The following PTPN12 variants were observed in gnomAD, a reference collection of about 807,000 sequenced individuals.
PTPN12 encodes the protein tyrosine-protein phosphatase non-receptor type 12.
A neutral mutation model predicts 97.6 loss-of-function variants in PTPN12; 29 were observed. The ratio of observed to expected loss-of-function variants is 0.30; its 90% CI spans 0.22 to 0.41. The LOEUF (loss-of-function observed/expected upper bound fraction) is 0.41. Among genes scored for constraint, PTPN12 ranks in the 10% least tolerant of loss-of-function variants. PTPN12 has a pLI of 1.00. For synonymous variants in PTPN12, 327 were observed against 300.4 expected (o/e 1.09, Z -0.91); for missense variants, 819 against 926.0 (o/e 0.88, Z 1.50).
intron 6 of PTPN12, among the ~76,000 whole-genome samples, chr7:77,593,344 GTGTGTGCATGCGTC>G (rs1199185451): frequency 6.6e-6 from 1 of 152,104 alleles, no homozygotes; most frequent in Non-Finnish European, 1.5e-5. Context: ...GAATAAGAGT[GTGTGTGCATGCGTC>G]TGTGTGCATG....
intron 1 of PTPN12, among the ~76,000 whole-genome samples, chr7:77,559,803 G>T (rs763058464): frequency 1.1e-4 from 16 of 152,226 alleles, no homozygotes; most frequent in Non-Finnish European, 1.8e-4. Context: ...TGTTGAATGT[G>T]TATTTGGAAG....
intron 2 of PTPN12, among the ~76,000 whole-genome samples, chr7:77,571,682 C>T (rs1196637237): frequency 6.7e-6 from 1 of 149,436 alleles, no homozygotes; most frequent in Non-Finnish European, 1.5e-5. Context: ...GATTGCATTA[C>T]ATTCTAATGA....
intron 5 of PTPN12, among the ~76,000 whole-genome samples, chr7:77,588,677 G>C (rs1449183129): frequency 6.6e-6 from 1 of 152,064 alleles, no homozygotes; most frequent in African/African-American, 2.4e-5. Context: ...AGTAAAATGA[G>C]GTATGCCTGT....
intron 12 of PTPN12, among the ~76,000 whole-genome samples, chr7:77,624,874 C>A (rs575026261): frequency 6.6e-6 from 1 of 152,000 alleles, no homozygotes; most frequent in Non-Finnish European, 1.5e-5. Flanking sequence ...TGGCTCACCC[C>A]TGTAATCCCA....
At chr7:77,591,297 T>C (rs2151345008) in intron 5 of PTPN12, among the ~76,000 whole-genome samples, 1 of 152,338 alleles carries the variant, frequency 6.6e-6, no homozygotes, top group South Asian at 2.1e-4. Context: ...GCTTAAAAGG[T>C]TTATTTAAGC....
At chr7:77,587,722 C>T (rs115215336) in intron 5 of PTPN12, among the ~76,000 whole-genome samples, 2,405 of 152,350 alleles carry the variant, frequency 0.016, 60 homozygotes, top group African/African-American at 0.054. Context: ...ATGGCATCTT[C>T]TTCCAATATA....
intron 7 of PTPN12, among the ~76,000 whole-genome samples, chr7:77,599,714 CAT>C (rs1359333791): frequency 2.5e-4 from 38 of 152,118 alleles, no homozygotes; most frequent in African/African-American, 9.2e-4. Flanking sequence ...GTCTGTTGCA[CAT>C]AGATGAAGAT....
In PTPN12 at chr7:77,612,236, A is replaced by T. The variant is rs187269112; in HGVS notation, c.939+1190A>T. Among the ~76,000 whole-genome samples the T allele has an allele frequency of 1.7e-3, 264 of 152,250 alleles. 2 individuals carry two copies. The highest frequency in any genetic ancestry group is 5.6e-3 in the African/African-American group (233 of 41,562). On this transcript the variant is annotated intron_variant, in intron 11 of 17. Coordinates refer to ENST00000248594, the MANE Select transcript of PTPN12 (RefSeq NM_002835.4). ...CTAATATCGGTCCATGAGTTTTAGG[A>T]AATATGCATTTCTTTTATTAGCCAA... is the stretch of plus-strand genomic sequence containing the variant.
In PTPN12 at chr7:77,553,975, CT is replaced by C. The variant is rs1807590617; in HGVS notation, c.99+16334del. On this transcript the variant is annotated intron_variant, in intron 1 of 17. Transcript: ENST00000248594. Reference sequence around the variant, plus strand: ...TTTTTTTACTTTTTTTGTTTTTGGTCTTTTCTAAAGAGACAAGGTGTCGCTT... The same window carrying C: ...TTTTTTTACTTTTTTTGTTTTTGGTCTTTCTAAAGAGACAAGGTGTCGCTT... Among the ~76,000 whole-genome samples, 3 of 142,630 alleles carry C rather than the reference CT, an allele frequency of 2.1e-5. No individual in the cohort carries two copies. In the Admixed American group the frequency reaches 2.1e-4, roughly 10 times the overall value. The allele number at this position is 142,630 out of a possible 152,430, so 93.6% of individuals were successfully genotyped here. A position where few individuals can be genotyped will look rare whatever the true frequency, so the allele number is the denominator to read the frequency against.
intron 1 of PTPN12, among the ~76,000 whole-genome samples, chr7:77,549,682 G>A (rs917805560): frequency 2.0e-5 from 3 of 151,732 alleles, no homozygotes. Flanking sequence ...CTGGGCTCAA[G>A]TGATCCTCTC....
At position 77,571,167 on chromosome 7, in the gene PTPN12, A is replaced by G. The variant is rs1319436689; in HGVS notation, c.189A>G (p.Arg63=). The G allele has an allele frequency of 2.5e-6, 4 of 1,592,452 alleles. No individual in the cohort carries two copies. Reference sequence around the variant, plus strand: ...AAGAAGAAAATGTTAAAAAGAACAGATACAAGGACATACTGCCATGTAAGT... The same window carrying G: ...AAGAAGAAAATGTTAAAAAGAACAGGTACAAGGACATACTGCCATGTAAGT... ...GEKEENVKKN[R]YKDILPFDHS... The change falls in exon 2 of 18, where the codon AGA becomes AGG. Residue 63 remains arginine, a synonymous_variant. Transcript: ENST00000248594.
intron 7 of PTPN12, among the ~76,000 whole-genome samples, chr7:77,598,644 C>T (rs1788095729): frequency 6.6e-6 from 1 of 152,050 alleles, no homozygotes; most frequent in African/African-American, 2.4e-5. Context: ...GATGGTGCCA[C>T]TGCACTCTAG....
At chr7:77,560,527 AACC>A (rs146289398) in intron 1 of PTPN12, among the ~76,000 whole-genome samples, 2,789 of 152,294 alleles carry the variant, frequency 0.018, 34 homozygotes, top group Middle Eastern at 0.071. Flanking sequence ...GTTCCCATTA[AACC>A]ACCCTCTTTA....
At chr7:77,548,202 C>T (rs2151298315) in intron 1 of PTPN12, among the ~76,000 whole-genome samples, 1 of 152,218 alleles carries the variant, frequency 6.6e-6, no homozygotes, top group South Asian at 2.1e-4. Context: ...TTAAAGTGCC[C>T]TGTAGAAAGA....
chr7:77,637,078 T>C (rs1349920109), intron 16 of PTPN12, 30 bp downstream of exon 16: 3 of 1,533,648 alleles, frequency 2.0e-6, no homozygotes, highest in Admixed American at 1.7e-5. Context: ...TTTTCCTTTT[T>C]ACTGTAGATT....
At chr7:77,539,937 C>T (rs984081834) in intron 1 of PTPN12, among the ~76,000 whole-genome samples, 11 of 152,316 alleles carry the variant, frequency 7.2e-5, no homozygotes, top group African/African-American at 2.6e-4. Flanking sequence ...CTTTGGCCTC[C>T]CAAAGTGCTG....
intron 8 of PTPN12, among the ~76,000 whole-genome samples, chr7:77,602,926 A>G (rs1466562389): frequency 6.6e-6 from 1 of 152,168 alleles, no homozygotes; most frequent in African/African-American, 2.4e-5. Context: ...ATTTTTTATT[A>G]TTTACATAGT....
At chr7:77,542,606 A>C (rs1237065521) in intron 1 of PTPN12, among the ~76,000 whole-genome samples, 1 of 152,148 alleles carries the variant, frequency 6.6e-6, no homozygotes, top group African/African-American at 2.4e-5. Context: ...GATTCATTAG[A>C]TGTAGGTAGT....
intron 1 of PTPN12, among the ~76,000 whole-genome samples, chr7:77,555,568 T>C (rs1807670221): frequency 6.6e-6 from 1 of 152,156 alleles, no homozygotes; most frequent in African/African-American, 2.4e-5. Flanking sequence ...AGTCTACTAG[T>C]AAGCCCACCA....
Sources: allele counts gnomAD v4.1 joint callset (sites outside exome capture counted in the v4.1 genomes callset), GRCh38; gene constraint gnomAD v4.1.1; transcripts MANE v1.5; gene names NCBI Gene and HGNC (gene_info 2026-07-23, HGNC 2026-07-21).